PSME4: variants seen among roughly 807,000 people sequenced by gnomAD.
PSME4 encodes the protein proteasome activator subunit 4, also known as proteasome activator complex subunit 4.
A neutral mutation model predicts 253.9 loss-of-function variants in PSME4; 89 were observed. The observed-to-expected ratio is 0.35, with a 90% confidence interval of 0.30 to 0.42. The LOEUF is 0.42. PSME4 is among the 10% of genes least tolerant of loss of function. The pLI, the probability that PSME4 is intolerant of heterozygous loss-of-function variation, is 1.00. For missense variants in PSME4, 2,014 were observed against 2,195.2 expected (o/e 0.92, Z 1.65); for synonymous variants, 851 against 759.2 (o/e 1.12, Z -1.99).
Position 53,894,998 on chromosome 2 carries a change from A to T in PSME4, c.3912+9T>A. On this transcript the variant is annotated intron_variant, in intron 34 of 46. Transcript: ENST00000404125. The stretch of plus-strand genomic sequence containing the variant: ...ATGCATTTGAACCATGGTGAAATGG[A>T]ATGCTTACCTCTGTCATATCCTCCC... 6.2e-7 allele frequency: 1 copy of T among 1,604,838 alleles called. No individual in the cohort carries two copies. Among genetic ancestry groups the T allele is most frequent in the African/African-American group, 1.3e-5 (1 of 74,416 alleles).
chr2:53,955,658 A>C (rs950502386), intron 1 of PSME4, among the ~76,000 whole-genome samples: 1 of 152,230 alleles, frequency 6.6e-6, no homozygotes, highest in Admixed American at 6.5e-5. Context: ...ACAGTGGCTC[A>C]TGTCTGCAAT....
In PSME4 at chr2:53,948,383, A is replaced by G. The variant is rs183815279; in HGVS notation, c.500+38T>C. ...ATGATCACCCCCCTAAAAAACCCCAAGTACTCCCAAATAAGTGCTTTAAAT... is the reference window on the plus strand; with the variant it reads ...ATGATCACCCCCCTAAAAAACCCCAGGTACTCCCAAATAAGTGCTTTAAAT... On this transcript the variant is annotated intron_variant, in intron 3 of 46. Transcript: ENST00000404125. 1.2e-4 allele frequency: 166 copies of G among 1,359,354 alleles called. 3 individuals are homozygous for G. The East Asian group carries it at 3.8e-3, about 31-fold the overall frequency. 84.2% of individuals were successfully genotyped at this position (1,359,354 alleles called of 1,614,324 possible).
At chr2:53,865,847 C>T (rs805379) in intron 46 of PSME4, 235,231 of 459,054 alleles carry the variant, frequency 0.51, 61,563 homozygotes, top group East Asian at 0.63. Context: ...CACCACTCAT[C>T]TACAAAGGTC....
At chr2:53,958,165 G>A (rs961355784) in intron 1 of PSME4, among the ~76,000 whole-genome samples, 6 of 142,216 alleles carry the variant, frequency 4.2e-5, no homozygotes, top group South Asian at 2.2e-4. Flanking sequence ...CAGCCTGGGC[G>A]ACAGAGAAAG....
At chr2:53,873,084 C>CA (rs1179884106) in intron 43 of PSME4, among the ~76,000 whole-genome samples, 1 of 151,214 alleles carries the variant, frequency 6.6e-6, no homozygotes, top group Admixed American at 6.6e-5. Context: ...ACTAAAAATA[C>CA]AAAAAATTAG....
At position 53,869,487 on chromosome 2, in the gene PSME4, G is replaced by A; in HGVS notation, c.5152C>T (p.Leu1718Phe). Residue 1718 changes from leucine (L) to phenylalanine (F), a missense_variant, in exon 44 of 47, where the codon CTT (leucine) becomes TTT (phenylalanine). Around this residue, in one of 4 missense-constraint regions of PSME4, gnomAD observed 403 missense variants for 556.1 expected, o/e 0.72. Coordinates refer to ENST00000404125, the MANE Select transcript of PSME4 (RefSeq NM_014614.3). ...ATCTGCATAGGACTGTCCATGGTAA[G>A]AAAGTTACACTGTAGCAGACCGCTT... ...TLSGLLQCNFLTMDSPMQIHF... is the reference protein window; with the variant it reads ...TLSGLLQCNFFTMDSPMQIHF... 1 of 1,589,008 alleles carries A rather than the reference G, an allele frequency of 6.3e-7. No individual in the cohort carries two copies. The highest frequency in any genetic ancestry group is 1.3e-5 in the African/African-American group (1 of 74,832).
In PSME4 at chr2:53,922,511, C is replaced by A; in HGVS notation, c.2046+6G>T. The A allele has an allele frequency of 6.2e-7, 1 of 1,611,866 alleles. No individual in the cohort carries two copies. Among genetic ancestry groups the A allele is most frequent in the Non-Finnish European group, 8.5e-7 (1 of 1,179,024 alleles). On this transcript the variant is annotated splice_donor_region_variant and intron_variant, in intron 17 of 46. Transcript: ENST00000404125. ...TCATGTTTCTTATTCCAAAGATTTA[C>A]AATACCTCAGACAAAAGTTGAAGAT... is the stretch of plus-strand genomic sequence containing the variant.
chr2:53,967,679 A>AAAAAAAC (rs1670808609), intron 1 of PSME4, among the ~76,000 whole-genome samples: 13 of 140,018 alleles, frequency 9.3e-5, no homozygotes, highest in African/African-American at 3.6e-4. Flanking sequence ...AAAAAAAAAA[A>AAAAAAAC]GTCAAAAAGA....
At chr2:53,943,878 A>G (rs1020041928) in intron 3 of PSME4, among the ~76,000 whole-genome samples, 2 of 151,834 alleles carry the variant, frequency 1.3e-5, no homozygotes, top group African/African-American at 4.8e-5. Context: ...GGTATAAATA[A>G]TAAGTATAGC....
At position 53,874,497 on chromosome 2, in the gene PSME4, G is replaced by A; in HGVS notation, c.4945-3C>T. 6.2e-7 allele frequency: 1 copy of A among 1,612,816 alleles called. No homozygotes were observed. The highest frequency in any genetic ancestry group is 1.7e-5 in the Admixed American group (1 of 59,602). ...TGCCAAGAACTGCTTCTTGCTGTCT[G>A]TGAATGACAAATAAATATAAACGAT... is the stretch of plus-strand genomic sequence containing the variant. On this transcript the variant is annotated splice_region_variant and splice_polypyrimidine_tract_variant and intron_variant, in intron 42 of 46. Transcript: ENST00000404125.
chr2:53,888,412 G>A (rs1484033877), intron 38 of PSME4: 4 of 275,482 alleles, frequency 1.5e-5, no homozygotes, highest in Non-Finnish European at 2.7e-5. Context: ...ACAGGAAAAA[G>A]TGAAAAATAA....
At chr2:53,940,993 A>AT (rs1669426623) in intron 3 of PSME4, among the ~76,000 whole-genome samples, 3 of 95,722 alleles carry the variant, frequency 3.1e-5, no homozygotes, top group South Asian at 3.6e-4. Flanking sequence ...ATATATATAT[A>AT]TATATATGAA....
At position 53,940,031 on chromosome 2, in the gene PSME4, T is replaced by C. The variant is rs774920182; in HGVS notation, c.501-31A>G. ...GGGGGAAAGCCATTTGATAATTAGA[T>C]TGGTGTATTTTAAGAACATATCTAA... is the stretch of plus-strand genomic sequence containing the variant. On this transcript the variant is annotated intron_variant, in intron 3 of 46. Coordinates refer to ENST00000404125, the MANE Select transcript of PSME4 (RefSeq NM_014614.3). The C allele has an allele frequency of 2.0e-5, 30 of 1,484,630 alleles. No individual in the cohort carries two copies. The Admixed American group carries it at 4.0e-4, about 20-fold the overall frequency. The allele number at this position is 1,484,630 out of a possible 1,614,324, so 92.0% of individuals were successfully genotyped here. A position where few individuals can be genotyped will look rare whatever the true frequency, so the allele number is the denominator to read the frequency against.
At position 53,919,125 on chromosome 2, in the gene PSME4, A is replaced by G. The variant is rs147035340; in HGVS notation, c.2516+26T>C. On this transcript the variant is annotated intron_variant, in intron 20 of 46. Transcript: ENST00000404125. The stretch of plus-strand genomic sequence containing the variant: ...TGACTAAGACTTAAAATATATGTTA[A>G]GTGGAAAACAGTTATTTTTACTTAC... The G allele has an allele frequency of 5.2e-5, 82 of 1,589,228 alleles. No homozygotes were observed. The African/African-American group carries it at 8.9e-4, about 17-fold the overall frequency.
At chr2:53,871,423 T>G (rs1279148276) in intron 43 of PSME4, among the ~76,000 whole-genome samples, 1 of 151,880 alleles carries the variant, frequency 6.6e-6, no homozygotes, top group Non-Finnish European at 1.5e-5. Flanking sequence ...CTGGCTAATT[T>G]TTTTGTATTT....
rs762938978 is a variant in PSME4 at position 53,864,704 on chromosome 2, C to T, written c.*874G>A. 5 of 152,318 alleles carry T rather than the reference C, an allele frequency of 3.3e-5. No individual in the cohort carries two copies. The highest frequency in any genetic ancestry group is 9.7e-5 in the African/African-American group (4 of 41,322). 9.4% of individuals were successfully genotyped at this position (152,318 alleles called of 1,614,324 possible). A position where few individuals can be genotyped will look rare whatever the true frequency, so the allele number is the denominator to read the frequency against. ...ATATTAAGCCTTATTAGTCTCTCAA[C>T]GATTCTGCAGGCAAAATAAAAAGGG... On this transcript the variant is annotated 3_prime_UTR_variant, in exon 47 of 47. Coordinates refer to ENST00000404125, the MANE Select transcript of PSME4 (RefSeq NM_014614.3).
At chr2:53,931,765 A>G (rs1344591028) in intron 10 of PSME4, 70 bp downstream of exon 10, 3 of 1,504,052 alleles carry the variant, frequency 2.0e-6, no homozygotes, top group African/African-American at 2.8e-5. Flanking sequence ...CACAGAGGAG[A>G]AAAGAGAATC....
At chr2:53,868,324 C>A (rs538828650) in intron 44 of PSME4, among the ~76,000 whole-genome samples, 1 of 150,768 alleles carries the variant, frequency 6.6e-6, no homozygotes, top group Non-Finnish European at 1.5e-5. Flanking sequence ...TAGTAGCGCG[C>A]GCCTGCAATC....
intron 14 of PSME4, among the ~76,000 whole-genome samples, chr2:53,924,363 C>A (rs1055832507): frequency 5.9e-5 from 9 of 152,118 alleles, no homozygotes; most frequent in Non-Finnish European, 1.2e-4. Flanking sequence ...GTGATAATTA[C>A]AGATGATGGG....
Sources: gnomAD v4.1 joint callset for allele counts (sites outside exome capture counted in the v4.1 genomes callset) on GRCh38, gnomAD v4.1.1 for gene constraint, gnomAD v4.1.1 regional missense constraint, MANE v1.5 for transcripts, NCBI Gene and HGNC (gene_info 2026-07-23, HGNC 2026-07-21) for gene names.